The following SGSH variants were observed in gnomAD, a reference collection of about 807,000 sequenced individuals.
The protein encoded by SGSH is heparan sulfate sulfatase.
In SGSH, 48 loss-of-function variants were observed where a neutral mutation model predicts 51.0. The ratio of observed to expected loss-of-function variants is 0.94; its 90% CI spans 0.75 to 1.20. The LOEUF (loss-of-function observed/expected upper bound fraction) is 1.20. Ranked by LOEUF, SGSH falls within the 50% of genes most tolerant of loss-of-function variation. The pLI is 0.00. For missense variants in SGSH, 662 were observed against 717.8 expected (o/e 0.92, Z 0.89); for synonymous variants, 321 against 313.4 (o/e 1.02, Z -0.26).
At chr17:80,218,234 G>C (rs758583391) in intron 1 of SGSH, among the ~76,000 whole-genome samples, 3 of 152,362 alleles carry the variant, frequency 2.0e-5, no homozygotes, top group Admixed American at 6.5e-5. Context: ...ATGTGTGTGC[G>C]TCCCACCGCT....
downstream of SGSH, chr17:80,202,367 C>T (rs1277127239): frequency 2.5e-6 from 4 of 1,613,308 alleles, no homozygotes; most frequent in Non-Finnish European, 3.4e-6. Flanking sequence ...ACCGCGTGAA[C>T]TCTTACACCA....
chr17:80,202,607 T>C (rs1567898900), downstream of SGSH: 1 of 1,427,136 alleles, frequency 7.0e-7, no homozygotes, highest in Non-Finnish European at 9.1e-7. Context: ...CTTTATATAT[T>C]GCAAATGAAA....
downstream of SGSH, chr17:80,205,234 C>A: frequency 1.3e-6 from 2 of 1,576,566 alleles, no homozygotes; most frequent in Non-Finnish European, 1.7e-6. Flanking sequence ...ATCCCTCTAC[C>A]CCTTCCACCT....
chr17:80,202,129 G>A (rs745392909), downstream of SGSH: 16 of 1,508,538 alleles, frequency 1.1e-5, no homozygotes, highest in Admixed American at 1.8e-5. Context: ...AACCTTCCTC[G>A]CAGAGGCTCG....
At chr17:80,214,576 C>T (rs751326420) in intron 4 of SGSH, 39 bp downstream of exon 4, 57 of 1,597,460 alleles carry the variant, frequency 3.6e-5, no homozygotes, top group South Asian at 1.2e-4. Context: ...GCTCTGGTAC[C>T]GGCCGCCAGG....
intron 2 of SGSH, among the ~76,000 whole-genome samples, chr17:80,216,253 G>A (rs1001979044): frequency 5.3e-5 from 8 of 151,970 alleles, no homozygotes; most frequent in Middle Eastern, 3.4e-3. Context: ...CGCTGGAACC[G>A]GGGAGGCAGA....
chr17:80,216,915 G>A lies in SGSH; in HGVS notation c.249+117C>T, dbSNP rs2041910897. ...CTGTGCCTCCTCCTGGAGGTGGGAG[G>A]GAAAGTGGGCAACACCCCCCGGGAT... On this transcript the variant is annotated intron_variant, in intron 2 of 7. Coordinates refer to ENST00000326317, the MANE Select transcript of SGSH (RefSeq NM_000199.5). 7.8e-6 allele frequency: 8 copies of A among 1,020,650 alleles called. No homozygotes were observed. The South Asian group carries it at 1.2e-4, about 16-fold the overall frequency. 63.2% of individuals were successfully genotyped at this position (1,020,650 alleles called of 1,614,324 possible).
intron 1 of SGSH, among the ~76,000 whole-genome samples, chr17:80,218,241 C>A (rs977284510): frequency 6.6e-6 from 1 of 152,240 alleles, no homozygotes; most frequent in Admixed American, 6.5e-5. Flanking sequence ...TGCGTCCCAC[C>A]GCTGCTTCTC....
chr17:80,202,030 G>A, downstream of SGSH: 1 of 1,218,720 alleles, frequency 8.2e-7, no homozygotes, highest in Non-Finnish European at 1.2e-6. Flanking sequence ...CCCCAAGCCA[G>A]CTGGAAACCT....
At chr17:80,201,926 T>G (rs2040999245), downstream of SGSH, 1 of 1,549,458 alleles carries the variant, frequency 6.5e-7, no homozygotes, top group Admixed American at 1.9e-5. This position sits in a 1 kb window ranked among gnomAD's most constrained non-coding sequence, Gnocchi z 5.0. Context: ...CCATGACCCT[T>G]AAGTCCCTGG....
rs767760866 is a variant in SGSH, at chr17:80,215,168, C to T, written c.250-30G>A. 8 of 1,543,578 alleles carry T rather than the reference C, an allele frequency of 5.2e-6. 1 individual carries two copies. In the Admixed American group the frequency reaches 6.8e-5, roughly 13 times the overall value. ...CAGCAAAGGCGCATGAGGTCCGGGG[C>T]CCCCGGACAGCCAGAGCCCGCCTGC... On this transcript the variant is annotated intron_variant, in intron 2 of 7. Coordinates refer to ENST00000326317, the MANE Select transcript of SGSH (RefSeq NM_000199.5).
chr17:80,210,385 C>A lies in SGSH; in HGVS notation c.*67G>T. ...TGCCACTACTCCCCAGGCTGGCCGGCCACACGGACACGTGTGGGATGTGTC... is the reference window on the plus strand; with the variant it reads ...TGCCACTACTCCCCAGGCTGGCCGGACACACGGACACGTGTGGGATGTGTC... On this transcript the variant is annotated 3_prime_UTR_variant, in exon 8 of 8. Transcript: ENST00000326317. 1 of 1,493,984 alleles carries A rather than the reference C, an allele frequency of 6.7e-7. No individual in the cohort carries two copies. The highest frequency in any genetic ancestry group is 8.9e-7 in the Non-Finnish European group (1 of 1,122,908). 92.5% of individuals were successfully genotyped at this position (1,493,984 alleles called of 1,614,324 possible). A position where few individuals can be genotyped will look rare whatever the true frequency, so the allele number is the denominator to read the frequency against.
intron 2 of SGSH, among the ~76,000 whole-genome samples, chr17:80,215,722 G>T (rs1036428273): frequency 6.6e-6 from 1 of 152,154 alleles, no homozygotes; most frequent in Admixed American, 6.5e-5. Flanking sequence ...GGGAGGCCGA[G>T]GTAGGAGAAT....
downstream of SGSH, chr17:80,207,146 C>T: frequency 8.1e-7 from 1 of 1,237,702 alleles, no homozygotes; most frequent in Non-Finnish European, 1.2e-6. Flanking sequence ...CCCCCAAAGC[C>T]CACGGCAGGT....
downstream of SGSH, chr17:80,205,847 G>T: frequency 2.0e-6 from 1 of 511,896 alleles, no homozygotes; most frequent in Non-Finnish European, 3.4e-6. Flanking sequence ...CTGTGGGTGA[G>T]GTCTCCCAAC....
rs928284256 is a variant in SGSH at position 80,213,977 on chromosome 17, G to C, written c.664-92C>G. 7.4e-7 allele frequency: 1 copy of C among 1,349,414 alleles called. No homozygotes were observed. The highest frequency in any genetic ancestry group is 1.0e-6 in the Non-Finnish European group (1 of 970,998). 83.6% of individuals were successfully genotyped at this position (1,349,414 alleles called of 1,614,324 possible). On this transcript the variant is annotated intron_variant, in intron 5 of 7. Transcript: ENST00000326317. The surrounding 1 kb of genome is among the most constrained non-coding windows in gnomAD (Gnocchi z 4.6). ...CCCGGGGCCTCCTGCAAATGGGTTA[G>C]CCCAGAACAGCCTCACTCCGGACCA...
In SGSH at chr17:80,213,927, C is replaced by A. The variant is rs772131004; in HGVS notation, c.664-42G>T. ...GGAGCCAGGCTTAGAACAGACAGAC[C>A]GGGGGAGCGGTGTCCAGCCTTCTCC... On this transcript the variant is annotated intron_variant, in intron 5 of 7. Coordinates refer to ENST00000326317, the MANE Select transcript of SGSH (RefSeq NM_000199.5). This position sits in a 1 kb window ranked among gnomAD's most constrained non-coding sequence, Gnocchi z 4.6. 6.9e-7 allele frequency: 1 copy of A among 1,440,470 alleles called. No homozygotes were observed. Among genetic ancestry groups the A allele is most frequent in the East Asian group, 2.3e-5 (1 of 42,816 alleles). 89.2% of individuals were successfully genotyped at this position (1,440,470 alleles called of 1,614,324 possible). A position where few individuals can be genotyped will look rare whatever the true frequency, so the allele number is the denominator to read the frequency against.
In SGSH at chr17:80,210,521, C is replaced by T. The variant is rs769459888; in HGVS notation, c.1440G>A (p.Val480=). The part of the protein sequence containing the change: ...KWQWETHDPW[V]CAPDGVLEEK... ...CCTCCAGGACGCCGTCGGGGGCGCA[C>T]ACCCAGGGGTCGTGGGTCTCCCACT... is the stretch of plus-strand genomic sequence containing the variant. Residue 480 remains valine (V), a synonymous_variant, in exon 8 of 8, where the codon GTG becomes GTA. Transcript: ENST00000326317. The T allele has an allele frequency of 1.7e-5, 28 of 1,610,588 alleles. No homozygotes were observed. The South Asian group carries it at 2.6e-4, about 15-fold the overall frequency.
rs774482734 is a variant in SGSH, at chr17:80,214,746, G to A, written c.375C>T (p.His125=). Residue 125 remains histidine (H), a synonymous_variant, in exon 4 of 8, where the codon CAC becomes CAT. Coordinates refer to ENST00000326317, the MANE Select transcript of SGSH (RefSeq NM_000199.5). The part of the protein sequence containing the change: ...GVRTGIIGKK[H]VGPETVYPFD... Reference sequence around the variant, plus strand: ...ACGGGTACACGGTCTCCGGCCCCACGTGCTTCTTCCCGATGATGCCTGGGC... The same window carrying A: ...ACGGGTACACGGTCTCCGGCCCCACATGCTTCTTCCCGATGATGCCTGGGC... The A allele has an allele frequency of 6.8e-5, 109 of 1,612,338 alleles. No homozygotes were observed. Among genetic ancestry groups the A allele is most frequent in the Non-Finnish European group, 8.1e-5 (96 of 1,180,010 alleles).
Sources: gnomAD v4.1 joint callset for allele counts (sites outside exome capture counted in the v4.1 genomes callset) on GRCh38, gnomAD v4.1.1 for gene constraint, Gnocchi (gnomAD v3.1) non-coding constraint, MANE v1.5 for transcripts, NCBI Gene and HGNC (gene_info 2026-07-23, HGNC 2026-07-21) for gene names.